Variants in WDPCP observed in about 807,000 individuals in gnomAD.
WDPCP encodes the protein WD repeat containing planar cell polarity effector.
In WDPCP, 71 loss-of-function variants were observed where a neutral mutation model predicts 93.1. That is an observed-to-expected ratio of 0.76 (90% CI 0.63 to 0.93). The LOEUF (loss-of-function observed/expected upper bound fraction) is 0.93, where lower values mean the gene tolerates loss of function less well. WDPCP is among the 40% of genes least tolerant of loss of function. The probability of loss-of-function intolerance (pLI) is 0.00; values close to 1 mark genes in which losing one functional copy is unlikely to be tolerated. For synonymous variants in WDPCP, 315 were observed against 315.0 expected, an observed-to-expected ratio of 1.00 and a Z score of 0.00; for missense variants, 844 against 887.4, an observed-to-expected ratio of 0.95 and a Z score of 0.62.
At chr2:63,467,429 G>C (rs772599365) in intron 6 of WDPCP, among the ~76,000 whole-genome samples, 8 of 151,570 alleles carry the variant, frequency 5.3e-5, no homozygotes, top group African/African-American at 1.9e-4. Context: ...GGAGTGAGCC[G>C]AGATTGCACT....
intron 9 of WDPCP, among the ~76,000 whole-genome samples, chr2:63,429,976 TACACAC>T (rs199517613): frequency 0.12 from 16,110 of 137,328 alleles, 1,374 homozygotes; most frequent in African/African-American, 0.24. Flanking sequence ...GAAAATGTTA[TACACAC>T]ACACACACAC....
intron 1 of WDPCP, among the ~76,000 whole-genome samples, chr2:63,581,791 G>T (rs1708511488): frequency 6.6e-6 from 1 of 152,092 alleles, no homozygotes. Context: ...TGGATCGTTT[G>T]AGTCCTAGAG....
intron 9 of WDPCP, among the ~76,000 whole-genome samples, chr2:63,416,892 C>G (rs1695475179): frequency 6.6e-6 from 1 of 152,122 alleles, no homozygotes; most frequent in African/African-American, 2.4e-5. Flanking sequence ...GGACCTGACC[C>G]TGTATAACAG....
intron 1 of WDPCP, among the ~76,000 whole-genome samples, chr2:63,519,627 C>G (rs923313186): frequency 6.6e-6 from 1 of 152,096 alleles, no homozygotes; most frequent in Non-Finnish European, 1.5e-5. Context: ...GCCCAGGAAT[C>G]AGGAGCTGAG....
Position 63,709,639 on chromosome 2 carries a change from C to G in WDPCP, n.309-58801G>C, listed in dbSNP as rs150217957. ...GCCTCTAAATTGTTTCAATTCTTAA[C>G]ATTGCTATATTTTCTTATTTCCTTA... On this transcript the variant is annotated intron_variant and non_coding_transcript_variant, in intron 2 of 4. Transcript: ENST00000467687. Among the ~76,000 whole-genome samples the G allele has an allele frequency of 4.2e-3, 639 of 152,274 alleles. 2 individuals carry two copies. Among genetic ancestry groups the G allele is most frequent in the African/African-American group, 0.014 (599 of 41,554 alleles).
intron 1 of WDPCP, among the ~76,000 whole-genome samples, chr2:63,529,405 T>C (rs1210614420): frequency 2.0e-5 from 3 of 152,232 alleles, no homozygotes; most frequent in African/African-American, 7.2e-5. Context: ...ACCTAGTTTA[T>C]TCAGAGTTTT....
chr2:63,251,404 C>G (rs760319278), intron 14 of WDPCP, among the ~76,000 whole-genome samples: 7 of 151,136 alleles, frequency 4.6e-5, no homozygotes, highest in Non-Finnish European at 8.8e-5. Flanking sequence ...CACAACCTCC[C>G]AAGATTGAGC....
intron 13 of WDPCP, among the ~76,000 whole-genome samples, chr2:63,263,439 G>A (rs1417337768): frequency 6.6e-6 from 1 of 152,142 alleles, no homozygotes; most frequent in African/African-American, 2.4e-5. Context: ...TGTTGTAAAA[G>A]TGAATTTGGC....
intron 15 of WDPCP, among the ~76,000 whole-genome samples, chr2:63,160,682 G>C (rs975368045): frequency 5.9e-5 from 9 of 152,066 alleles, no homozygotes; most frequent in Admixed American, 5.2e-4. Flanking sequence ...ATGTATAGAA[G>C]TACTCAAACT....
At chr2:63,612,100 C>T (rs547908581) in intron 3 of WDPCP, among the ~76,000 whole-genome samples, 1 of 152,286 alleles carries the variant, frequency 6.6e-6, no homozygotes, top group African/African-American at 2.4e-5. Context: ...CAGACTTGCT[C>T]TAGAGTTACT....
At chr2:63,389,111 G>A (rs1353579539) in intron 10 of WDPCP, among the ~76,000 whole-genome samples, 1 of 152,054 alleles carries the variant, frequency 6.6e-6, no homozygotes, top group African/African-American at 2.4e-5. Flanking sequence ...ATTCACCAAG[G>A]TTGAAATGAA....
chr2:63,380,532 A>G (rs888351357), intron 11 of WDPCP, among the ~76,000 whole-genome samples: 4 of 152,002 alleles, frequency 2.6e-5, no homozygotes, highest in Non-Finnish European at 5.9e-5. Flanking sequence ...CTTGAGGCCA[A>G]CCTGGGCAAC....
At chr2:63,736,683 A>C (rs1669644471) in intron 2 of WDPCP, among the ~76,000 whole-genome samples, 1 of 152,226 alleles carries the variant, frequency 6.6e-6, no homozygotes, top group Non-Finnish European at 1.5e-5. Flanking sequence ...CTCTGGAATA[A>C]GCTGCTTGCT....
intron 6 of WDPCP, among the ~76,000 whole-genome samples, chr2:63,478,393 A>G (rs1305216086): frequency 6.6e-6 from 1 of 152,160 alleles, no homozygotes; most frequent in Non-Finnish European, 1.5e-5. Flanking sequence ...TATACATTCT[A>G]TTCATCAGCA....
At chr2:63,494,415 T>C (rs1338822884) in intron 1 of WDPCP, among the ~76,000 whole-genome samples, 2 of 152,164 alleles carry the variant, frequency 1.3e-5, no homozygotes, top group Non-Finnish European at 2.9e-5. Flanking sequence ...TTAACTCTCT[T>C]AATCCTCATA....
At position 63,467,194 on chromosome 2, in the gene WDPCP, G is replaced by A. The variant is rs118009889; in HGVS notation, c.384+17410C>T. ...TTTCTTGGAAAGGAATAAAAATTTTGTCCAAGGTCCAGCGGTGGCTCACAC... is the reference window on the plus strand; with the variant it reads ...TTTCTTGGAAAGGAATAAAAATTTTATCCAAGGTCCAGCGGTGGCTCACAC... On this transcript the variant is annotated intron_variant, in intron 6 of 17. Transcript: ENST00000272321. Among the ~76,000 whole-genome samples, 10 of 152,218 alleles carry A rather than the reference G, an allele frequency of 6.6e-5. No individual in the cohort carries two copies. The East Asian group carries it at 1.9e-3, about 29-fold the overall frequency.
rs1166528345 is a variant in WDPCP, at chr2:63,748,967, AAC to A, written n.308+64653_308+64654del. On this transcript the variant is annotated intron_variant and non_coding_transcript_variant, in intron 2 of 4. Transcript: ENST00000467687. ...AAATTCTTAACTTGTGGTTTTTGGT[AAC>A]ACACAGTTTCTGTGAATTTGCGCTA... Among the ~76,000 whole-genome samples, 17 of 152,094 alleles carry A rather than the reference AAC, an allele frequency of 1.1e-4. No individual in the cohort carries two copies. The East Asian group carries it at 1.2e-3, about 10-fold the overall frequency.
intron 12 of WDPCP, among the ~76,000 whole-genome samples, chr2:63,377,484 T>C (rs894670565): frequency 6.6e-6 from 1 of 151,254 alleles, no homozygotes; most frequent in African/African-American, 2.4e-5. Context: ...TATGTATATG[T>C]ATGTGTATAT....
intron 6 of WDPCP, among the ~76,000 whole-genome samples, chr2:63,474,908 A>G (rs899265718): frequency 1.3e-5 from 2 of 152,184 alleles, no homozygotes; most frequent in African/African-American, 4.8e-5. Flanking sequence ...TAAATATCAA[A>G]TGGTGAATAG....
Sources: gnomAD v4.1 joint callset for allele counts (sites outside exome capture counted in the v4.1 genomes callset) on GRCh38, gnomAD v4.1.1 for gene constraint, MANE v1.5 for transcripts, NCBI Gene and HGNC (gene_info 2026-07-23, HGNC 2026-07-21) for gene names.